The following FBXL2 variants were observed in gnomAD, a reference collection of about 807,000 sequenced individuals.
FBXL2 encodes the protein F-box and leucine rich repeat protein 2, also known as F-box/LRR-repeat protein 2.
A neutral mutation model predicts 69.2 loss-of-function variants in FBXL2; 38 were observed. That is an observed-to-expected ratio of 0.55 (90% CI 0.42 to 0.72). The LOEUF (loss-of-function observed/expected upper bound fraction) is 0.72, where lower values mean the gene tolerates loss of function less well. Among genes scored for constraint, FBXL2 ranks in the 30% least tolerant of loss-of-function variants. The pLI is 0.00. For missense variants in FBXL2, 354 were observed against 520.3 expected, an observed-to-expected ratio of 0.68 and a Z score of 3.11; for synonymous variants, 192 against 201.3, an observed-to-expected ratio of 0.95 and a Z score of 0.39.
chr3:33,421,826 A>G, the FBXL2 span, among the ~76,000 whole-genome samples: 1 of 152,042 alleles, frequency 6.6e-6, no homozygotes, highest in Admixed American at 6.6e-5. Flanking sequence ...AGGTGGGTGG[A>G]TCACTTGAAG....
the FBXL2 span, chr3:33,411,455 T>C: frequency 1.6e-5 from 12 of 773,214 alleles, no homozygotes; most frequent in Admixed American, 2.6e-5. Flanking sequence ...ACTATGTATA[T>C]AGAAAGACAC....
At chr3:33,421,588 T>TTA in the FBXL2 span, among the ~76,000 whole-genome samples, 22 of 152,310 alleles carry the variant, frequency 1.4e-4, no homozygotes, top group East Asian at 2.9e-3. Flanking sequence ...AAATAAGTTT[T>TTA]TAAACTCAGT....
At chr3:33,412,762 T>G in the FBXL2 span, 1 of 1,614,068 alleles carries the variant, frequency 6.2e-7, no homozygotes, top group Non-Finnish European at 8.5e-7. Context: ...TCCACTTCCA[T>G]CCTTCAAGTT....
intron 12 of FBXL2, chr3:33,396,360 C>CT (rs1395280403): frequency 9.5e-7 from 1 of 1,049,332 alleles, no homozygotes. Flanking sequence ...CTACAGGAAT[C>CT]TAAGTTCTAT....
At chr3:33,297,867 A>G (rs959390142) in intron 2 of FBXL2, 142 bp downstream of exon 2, 1 of 682,086 alleles carries the variant, frequency 1.5e-6, no homozygotes, top group Non-Finnish European at 2.7e-6. Flanking sequence ...TTTGTTTTAT[A>G]GAATGCTGTT....
At chr3:33,314,574 C>T (rs748078987) in intron 2 of FBXL2, among the ~76,000 whole-genome samples, 2 of 152,038 alleles carry the variant, frequency 1.3e-5, no homozygotes, top group African/African-American at 2.4e-5. Context: ...TTTTGTATTC[C>T]GTTACATTGA....
chr3:33,373,432 T>A, intron 7 of FBXL2, 77 bp downstream of exon 7: 1 of 1,507,410 alleles, frequency 6.6e-7, no homozygotes, highest in Non-Finnish European at 9.2e-7. Flanking sequence ...AATGGTCACG[T>A]TGGATCCAGC....
At chr3:33,362,919 TTAA>T (rs1274449031) in intron 4 of FBXL2, among the ~76,000 whole-genome samples, 1 of 151,462 alleles carries the variant, frequency 6.6e-6, no homozygotes, top group Admixed American at 6.6e-5. Context: ...TCAAAAAATA[TTAA>T]TAATCATTAA....
the FBXL2 span, among the ~76,000 whole-genome samples, chr3:33,419,280 A>T: frequency 6.6e-6 from 1 of 152,140 alleles, no homozygotes; most frequent in Non-Finnish European, 1.5e-5. Flanking sequence ...AGATTACTTG[A>T]GGTCAGGAGT....
At chr3:33,281,191 G>A (rs112390041) in intron 1 of FBXL2, among the ~76,000 whole-genome samples, 2,803 of 148,886 alleles carry the variant, frequency 0.019, 33 homozygotes, top group South Asian at 0.038. Flanking sequence ...CTATCCCTCC[G>A]CCCTCCCCCT....
At chr3:33,396,967 G>T in intron 12 of FBXL2, 1 of 1,342,654 alleles carries the variant, frequency 7.4e-7, no homozygotes, top group Non-Finnish European at 1.1e-6. Context: ...ACCTAGCGTG[G>T]AAACACATTC....
At chr3:33,294,843 CAAA>C (rs372010327) in intron 1 of FBXL2, among the ~76,000 whole-genome samples, 3 of 91,310 alleles carry the variant, frequency 3.3e-5, no homozygotes, top group African/African-American at 4.1e-5. Context: ...ACCCTGTTTC[CAAA>C]AAAAAAAAAA....
intron 2 of FBXL2, 133 bp downstream of exon 2, chr3:33,297,858 T>A: frequency 1.4e-6 from 1 of 692,304 alleles, no homozygotes. Flanking sequence ...CTTTTTGTTT[T>A]TGTTTTATAG....
At chr3:33,414,073 C>A in the FBXL2 span, 1 of 147,520 alleles carries the variant, frequency 6.8e-6, no homozygotes. Flanking sequence ...AAGCCCCATT[C>A]TAGAAGGTTG....
chr3:33,314,139 T>A (rs1457329640), intron 2 of FBXL2, among the ~76,000 whole-genome samples: 1 of 152,152 alleles, frequency 6.6e-6, no homozygotes, highest in East Asian at 1.9e-4. Context: ...AATATTTAAT[T>A]GATAAATAAA....
In FBXL2 at chr3:33,305,250, T is replaced by G. The variant is rs75058318; in HGVS notation, c.65+7525T>G. ...TTTTCTTCTGAAAGCTTAAAAATTT[T>G]GTTTTTGATATTTCAGTTTTTAATC... On this transcript the variant is annotated intron_variant, in intron 2 of 14. Coordinates refer to ENST00000484457, the MANE Select transcript of FBXL2 (RefSeq NM_012157.5). Among the ~76,000 whole-genome samples, 574 of 152,080 alleles carry G rather than the reference T, an allele frequency of 3.8e-3. 33 individuals carry two copies. The East Asian group carries it at 0.098, about 26-fold the overall frequency.
chr3:33,397,391 G>A (rs1301580809), intron 12 of FBXL2: 1 of 302,700 alleles, frequency 3.3e-6, no homozygotes, highest in Admixed American at 5.0e-5. Flanking sequence ...TGAGAGCAGG[G>A]CCTAAAGAAC....
chr3:33,418,332 C>A, the FBXL2 span, among the ~76,000 whole-genome samples: 2 of 152,056 alleles, frequency 1.3e-5, no homozygotes, highest in African/African-American at 4.8e-5. Context: ...CGGCTCACTG[C>A]AACCTCCACC....
chr3:33,299,288 C>T (rs544528426), intron 2 of FBXL2, among the ~76,000 whole-genome samples: 1 of 152,076 alleles, frequency 6.6e-6, no homozygotes, highest in African/African-American at 2.4e-5. Context: ...GTAATCCGCC[C>T]GCCTCGGCCT....
Sources: allele counts gnomAD v4.1 joint callset (sites outside exome capture counted in the v4.1 genomes callset), GRCh38; gene constraint gnomAD v4.1.1; transcripts MANE v1.5; gene names NCBI Gene and HGNC (gene_info 2026-07-23, HGNC 2026-07-21).